LAMA2: variants seen among roughly 807,000 people sequenced by gnomAD.
LAMA2 encodes the protein laminin subunit alpha 2, also known as laminin subunit alpha-2.
Under a neutral mutation model 364.8 loss-of-function variants are expected in LAMA2, and 269 were observed. That is an observed-to-expected ratio of 0.74 (90% CI 0.67 to 0.82). LAMA2 has a LOEUF of 0.82. LAMA2 is among the 40% of genes least tolerant of loss of function. The pLI is 0.00. For synonymous variants in LAMA2, 1,379 were observed against 1,370.6 expected, an observed-to-expected ratio of 1.01 and a Z score of -0.14; for missense variants, 3,807 against 3,873.2, an observed-to-expected ratio of 0.98 and a Z score of 0.45.
In LAMA2 at chr6:128,912,731, G is replaced by T. The variant is rs564946157; in HGVS notation, c.112+29374G>T. On this transcript the variant is annotated intron_variant, in intron 1 of 64. Transcript: ENST00000421865. ...AAAAGTAAGTGTATGTATATCATTA[G>T]ATTCATACAGTCAGGCTGAATGTGG... Among the ~76,000 whole-genome samples, 3 of 152,326 alleles carry T rather than the reference G, an allele frequency of 2.0e-5. No homozygotes were observed. The South Asian group carries it at 6.2e-4, about 32-fold the overall frequency.
intron 58 of LAMA2, among the ~76,000 whole-genome samples, chr6:129,501,373 A>G (rs1785623860): frequency 6.6e-6 from 1 of 152,162 alleles, no homozygotes; most frequent in Non-Finnish European, 1.5e-5. Context: ...TGCTCTTTAT[A>G]ACTGACCATC....
At position 129,039,178 on chromosome 6, in the gene LAMA2, A is replaced by G. The variant is rs991250258; in HGVS notation, c.113-10740A>G. Among the ~76,000 whole-genome samples, 10 of 152,348 alleles carry G rather than the reference A, an allele frequency of 6.6e-5. No individual in the cohort carries two copies. In the South Asian group the frequency reaches 1.0e-3, roughly 16 times the overall value. ...TTCTACTAAATATCAACTAAGTAAT[A>G]TACGGACACCAAGAAAGAAACAGAA... On this transcript the variant is annotated intron_variant, in intron 1 of 64. Coordinates refer to ENST00000421865, the MANE Select transcript of LAMA2 (RefSeq NM_000426.4).
chr6:128,949,886 A>G (rs909921990), intron 1 of LAMA2, among the ~76,000 whole-genome samples: 1 of 152,208 alleles, frequency 6.6e-6, no homozygotes, highest in Admixed American at 6.5e-5. Context: ...AAGATGAACC[A>G]GTTTTAATTT....
chr6:129,485,889 TC>T (rs1490506213), intron 55 of LAMA2, among the ~76,000 whole-genome samples: 1 of 152,156 alleles, frequency 6.6e-6, no homozygotes, highest in African/African-American at 2.4e-5. Flanking sequence ...GCATTCAGGC[TC>T]CCTGGGGTTC....
rs770777119 is a variant in LAMA2, at chr6:129,403,817, C to T, written c.5727-4C>T. 3.1e-6 allele frequency: 5 copies of T among 1,612,692 alleles called. No homozygotes were observed. The highest frequency in any genetic ancestry group is 1.6e-4 in the Middle Eastern group (1 of 6,082). On this transcript the variant is annotated splice_polypyrimidine_tract_variant and splice_region_variant and intron_variant, in intron 39 of 64. Coordinates refer to ENST00000421865, the MANE Select transcript of LAMA2 (RefSeq NM_000426.4). ...GACATTCCTTTTTTGAATCATCCCA[C>T]CAGAATCCTTGATGAGGCTAAAAAC... is the stretch of plus-strand genomic sequence containing the variant.
At chr6:128,993,549 TC>T (rs2114665071) in intron 1 of LAMA2, among the ~76,000 whole-genome samples, 1 of 152,348 alleles carries the variant, frequency 6.6e-6, no homozygotes, top group African/African-American at 2.4e-5. Flanking sequence ...TCTGCCTGTA[TC>T]CTTGCTCCTC....
At chr6:129,416,968 G>A (rs1424439306) in intron 40 of LAMA2, among the ~76,000 whole-genome samples, 2 of 152,164 alleles carry the variant, frequency 1.3e-5, no homozygotes, top group African/African-American at 4.8e-5. Context: ...GAATGCGGTG[G>A]CACCCAGGAG....
chr6:129,060,103 G>A (rs966964708), intron 3 of LAMA2, among the ~76,000 whole-genome samples: 1 of 152,176 alleles, frequency 6.6e-6, no homozygotes, highest in Non-Finnish European at 1.5e-5. Flanking sequence ...AATTCAAATG[G>A]AAGCACGTGA....
intron 19 of LAMA2, among the ~76,000 whole-genome samples, chr6:129,288,517 G>A (rs532298051): frequency 6.6e-6 from 1 of 152,086 alleles, no homozygotes; most frequent in South Asian, 2.1e-4. Context: ...GTCGTATTTT[G>A]TAATAGGTAT....
chr6:129,059,761 A>G, intron 2 of LAMA2, 23 bp from the exon 3 acceptor site: 2 of 1,390,926 alleles, frequency 1.4e-6, no homozygotes, highest in Non-Finnish European at 2.0e-6. Context: ...TCTTCCTTTC[A>G]TATGATGCTG....
Position 129,094,692 on chromosome 6 carries a change from A to C in LAMA2, c.397-3481A>C, listed in dbSNP as rs530415547. ...TCTCTTTTTGTTTTATATCTTTAAA[A>C]AAATCTCTATGTTTTTATTTTTTCT... On this transcript the variant is annotated intron_variant, in intron 3 of 64. Coordinates refer to ENST00000421865, the MANE Select transcript of LAMA2 (RefSeq NM_000426.4). Among the ~76,000 whole-genome samples, 327 of 152,300 alleles carry C rather than the reference A, an allele frequency of 2.1e-3. 2 individuals carry two copies. Among genetic ancestry groups the C allele is most frequent in the African/African-American group, 7.4e-3 (309 of 41,556 alleles).
In LAMA2 at chr6:129,028,186, AATACAC is replaced by A. The variant is rs1341442288; in HGVS notation, c.113-21719_113-21714del. On this transcript the variant is annotated intron_variant, in intron 1 of 64. Transcript: ENST00000421865. Reference sequence around the variant, plus strand: ...TTTGTGTCAGCTGCAAAATAAAGTAAATACACATACACATACACTACATACATGCTC... The same window carrying A: ...TTTGTGTCAGCTGCAAAATAAAGTAAATACACATACACTACATACATGCTC... Among the ~76,000 whole-genome samples, 14 of 152,052 alleles carry A rather than the reference AATACAC, an allele frequency of 9.2e-5. No individual in the cohort carries two copies. The East Asian group carries it at 2.3e-3, about 25-fold the overall frequency.
In LAMA2 at chr6:129,149,419, A is replaced by T. The variant is rs775291506; in HGVS notation, c.1027+323A>T. On this transcript the variant is annotated intron_variant, in intron 7 of 64. Coordinates refer to ENST00000421865, the MANE Select transcript of LAMA2 (RefSeq NM_000426.4). ...GGCTGAACTGCAAACCTAAACTAGT[A>T]TGAAGTCCAATTCAACTGAATGCAA... 6.5e-4 allele frequency among the ~76,000 whole-genome samples: 99 copies of T among 152,282 alleles called. No homozygotes were observed. In the Middle Eastern group the frequency reaches 0.014, roughly 21 times the overall value.
chr6:129,454,756 G>A (rs1201228374), intron 47 of LAMA2, among the ~76,000 whole-genome samples: 1 of 152,188 alleles, frequency 6.6e-6, no homozygotes. Flanking sequence ...AAAATGGGAA[G>A]TAACTGAGAA....
In LAMA2 at chr6:129,158,394, C is replaced by A. The variant is rs1779252626; in HGVS notation, c.1206+3711C>A. The A allele has an allele frequency of 2.5e-6, 4 of 1,613,950 alleles. No individual in the cohort carries two copies. In the East Asian group the frequency reaches 8.9e-5, roughly 36 times the overall value. On this transcript the variant is annotated intron_variant, in intron 8 of 64. Coordinates refer to ENST00000421865, the MANE Select transcript of LAMA2 (RefSeq NM_000426.4). ...GCCCATCCGTACTTCTCCATATCGG[C>A]CTTTACCAACTTGCCGGACCATCTG...
intron 1 of LAMA2, among the ~76,000 whole-genome samples, chr6:128,943,960 AGTGATACGTCTG>A (rs1305568621): frequency 6.6e-6 from 1 of 152,190 alleles, no homozygotes; most frequent in Non-Finnish European, 1.5e-5. Context: ...CATCGGTTAG[AGTGATACGTCTG>A]TTATGATGCA....
intron 53 of LAMA2, among the ~76,000 whole-genome samples, chr6:129,478,278 T>G (rs1784179307): frequency 6.6e-6 from 1 of 152,210 alleles, no homozygotes; most frequent in Non-Finnish European, 1.5e-5. Context: ...TTTTCAGATT[T>G]TTTTTTCTAA....
chr6:129,198,729 G>T (rs956460122), intron 12 of LAMA2, among the ~76,000 whole-genome samples: 1 of 151,684 alleles, frequency 6.6e-6, no homozygotes, highest in Non-Finnish European at 1.5e-5. Flanking sequence ...CAAATTAAGA[G>T]TATTATGAAA....
At chr6:129,494,283 G>C (rs538688236) in intron 58 of LAMA2, among the ~76,000 whole-genome samples, 1 of 152,318 alleles carries the variant, frequency 6.6e-6, no homozygotes, top group African/African-American at 2.4e-5. Flanking sequence ...TGAGCAATGT[G>C]CTCCTTGCAC....
Sources: allele counts gnomAD v4.1 joint callset (sites outside exome capture counted in the v4.1 genomes callset), GRCh38; gene constraint gnomAD v4.1.1; transcripts MANE v1.5; gene names NCBI Gene and HGNC (gene_info 2026-07-23, HGNC 2026-07-21).